The following TCF20 variants were observed in gnomAD, a reference collection of about 807,000 sequenced individuals.
TCF20 encodes the protein transcription factor 20, also known as SPRE-binding protein.
Under a neutral mutation model 148.6 loss-of-function variants are expected in TCF20, and 3 were observed. That is an observed-to-expected ratio of 0.02 (90% CI 0.01 to 0.05). The LOEUF (loss-of-function observed/expected upper bound fraction) is 0.05. TCF20 is among the 10% of genes least tolerant of loss of function. The pLI is 1.00. For synonymous variants in TCF20, 1,049 were observed against 909.5 expected (o/e 1.15, Z -2.76); for missense variants, 2,350 against 2,429.3 (o/e 0.97, Z 0.69).
intron 5 of TCF20, among the ~76,000 whole-genome samples, chr22:42,166,648 A>G (rs1290849781): frequency 6.6e-6 from 1 of 150,914 alleles, no homozygotes; most frequent in Non-Finnish European, 1.5e-5. Context: ...CCTGACAGCT[A>G]GGAAGGAAGG....
chr22:42,267,135 C>T (rs555964704), intron 1 of TCF20, among the ~76,000 whole-genome samples: 11 of 152,076 alleles, frequency 7.2e-5, no homozygotes, highest in Admixed American at 1.3e-4. Context: ...GGCGAGGTGG[C>T]GCATGCCTGT....
chr22:42,194,558 G>A (rs891140300), intron 2 of TCF20, among the ~76,000 whole-genome samples: 2 of 151,730 alleles, frequency 1.3e-5, no homozygotes, highest in African/African-American at 4.8e-5. Context: ...ACAGTGAGAG[G>A]GCTAAATACT....
At chr22:42,282,980 G>A (rs914290501) in intron 1 of TCF20, among the ~76,000 whole-genome samples, 3 of 152,214 alleles carry the variant, frequency 2.0e-5, no homozygotes, top group Non-Finnish European at 2.9e-5. Context: ...TCCTTTTCCC[G>A]GGAAACCACT....
At chr22:42,235,394 T>C (rs1402998764) in intron 1 of TCF20, among the ~76,000 whole-genome samples, 1 of 152,088 alleles carries the variant, frequency 6.6e-6, no homozygotes, top group Non-Finnish European at 1.5e-5. Context: ...AAGGGAACAT[T>C]GGGTATCAAC....
chr22:42,316,107 C>CAA (rs758537263), intron 1 of TCF20, among the ~76,000 whole-genome samples: 1,111 of 46,580 alleles, frequency 0.024, 28 homozygotes, highest in African/African-American at 0.066. Flanking sequence ...GACTCTGTCT[C>CAA]AAAAAAAAAA....
Position 42,167,154 on chromosome 22 carries a change from C to G in TCF20, c.*44+1455G>C, listed in dbSNP as rs547464417. Among the ~76,000 whole-genome samples, 27 of 152,334 alleles carry G rather than the reference C, an allele frequency of 1.8e-4. No individual in the cohort carries two copies. The South Asian group carries it at 5.6e-3, about 32-fold the overall frequency. On this transcript the variant is annotated intron_variant, in intron 5 of 5. Coordinates refer to ENST00000677622, the MANE Select transcript of TCF20 (RefSeq NM_001378418.1). Reference sequence around the variant, plus strand: ...GAACACATGGAATGGCTTCCACCCACCTCCCCACTTTGCTCTGATCCCTTC... The same window carrying G: ...GAACACATGGAATGGCTTCCACCCAGCTCCCCACTTTGCTCTGATCCCTTC...
intron 2 of TCF20, among the ~76,000 whole-genome samples, chr22:42,204,152 G>A (rs1938227169): frequency 6.6e-6 from 1 of 151,922 alleles, no homozygotes; most frequent in African/African-American, 2.4e-5. Context: ...GAGTCTGTTA[G>A]ATGGGGGAAG....
chr22:42,251,177 T>TA (rs35947327), intron 1 of TCF20, among the ~76,000 whole-genome samples: 1 of 152,124 alleles, frequency 6.6e-6, no homozygotes, highest in African/African-American at 2.4e-5. Context: ...AAATCCCCTT[T>TA]AAAAAAGGTA....
chr22:42,248,477 C>T (rs754534826), intron 1 of TCF20, among the ~76,000 whole-genome samples: 3 of 152,066 alleles, frequency 2.0e-5, no homozygotes, highest in Non-Finnish European at 4.4e-5. Context: ...TGCACTGTGC[C>T]TGGTACTGGG....
intron 2 of TCF20, among the ~76,000 whole-genome samples, chr22:42,185,786 G>A (rs139317205): frequency 1.0e-3 from 159 of 152,250 alleles, no homozygotes; most frequent in African/African-American, 3.7e-3. Flanking sequence ...ATCTCCTTAC[G>A]TTTCTTCATG....
chr22:42,212,481 A>T lies in TCF20; in HGVS notation c.2825T>A (p.Phe942Tyr), dbSNP rs377143209. ...GTGGTCTCCAGATTTCTTGTTGTTG[A>T]AACTAGCTTGAGATTTAGACTGTTC... ...DFEQSKSQASFNNKKSGDHCH... is the reference protein window; with the variant it reads ...DFEQSKSQASYNNKKSGDHCH... Residue 942 changes from phenylalanine to tyrosine, a missense_variant, in exon 2 of 6, where the codon TTC (phenylalanine) becomes TAC (tyrosine). Coordinates refer to ENST00000677622, the MANE Select transcript of TCF20 (RefSeq NM_001378418.1). 7.2e-5 allele frequency: 117 copies of T among 1,614,048 alleles called. No homozygotes were observed. The highest frequency in any genetic ancestry group is 9.6e-5 in the Non-Finnish European group (113 of 1,180,042).
intron 1 of TCF20, among the ~76,000 whole-genome samples, chr22:42,249,477 T>A (rs1464811301): frequency 1.3e-5 from 2 of 152,228 alleles, no homozygotes. Flanking sequence ...ATTGAAGAGA[T>A]CTGTGAAACT....
intron 1 of TCF20, among the ~76,000 whole-genome samples, chr22:42,320,217 G>A (rs1927706941): frequency 6.6e-6 from 1 of 152,118 alleles, no homozygotes; most frequent in South Asian, 2.1e-4. Flanking sequence ...TGGGCCTCTG[G>A]ACTCTTGCAA....
chr22:42,285,042 T>C (rs1000672520), upstream of TCF20, among the ~76,000 whole-genome samples: 5 of 152,224 alleles, frequency 3.3e-5, no homozygotes, highest in African/African-American at 1.2e-4. This position sits in a 1 kb window ranked among gnomAD's most constrained non-coding sequence, Gnocchi z 4.2. Context: ...TGTTCCAGCC[T>C]CTGCCCTCCA....
chr22:42,160,343 T>C lies in TCF20; in HGVS notation c.*1060A>G, dbSNP rs1271997184. The C allele has an allele frequency of 6.6e-6, 1 of 152,658 alleles. No homozygotes were observed. Among genetic ancestry groups the C allele is most frequent in the Non-Finnish European group, 1.5e-5 (1 of 68,040 alleles). 9.5% of individuals were successfully genotyped at this position (152,658 alleles called of 1,614,324 possible). A position where few individuals can be genotyped will look rare whatever the true frequency, so the allele number is the denominator to read the frequency against. On this transcript the variant is annotated 3_prime_UTR_variant, in exon 6 of 6. Coordinates refer to ENST00000677622, the MANE Select transcript of TCF20 (RefSeq NM_001378418.1). ...AAAGGGGTTAAATGGGTGTTCCTGG[T>C]CAGCTTAACCCACTCTGATCACAGC...
In TCF20 at chr22:42,212,215, G is replaced by A. The variant is rs1198174147; in HGVS notation, c.3091C>T (p.His1031Tyr). 1.9e-6 allele frequency: 3 copies of A among 1,614,118 alleles called. No individual in the cohort carries two copies. The highest frequency in any genetic ancestry group is 2.5e-6 in the Non-Finnish European group (3 of 1,180,048). Residue 1031 changes from histidine to tyrosine, a missense_variant, in exon 2 of 6, where the codon CAT becomes TAT. Transcript: ENST00000677622. Reference sequence around the variant, plus strand: ...AAGGTCATGTGTGGATTCATGTGATGAGGGTCTCCCCCTGGGCCTCTGCTC... The same window carrying A: ...AAGGTCATGTGTGGATTCATGTGATAAGGGTCTCCCCCTGGGCCTCTGCTC... Reference protein sequence around the residue: ...GRSRGPGGDPHHMNPHMTFSE... With the variant: ...GRSRGPGGDPYHMNPHMTFSE...
intron 1 of TCF20, among the ~76,000 whole-genome samples, chr22:42,319,602 C>A (rs1162146745): frequency 1.3e-5 from 2 of 152,198 alleles, no homozygotes; most frequent in African/African-American, 4.8e-5. Context: ...AGTCAACGGG[C>A]AGGGTTTTCA....
chr22:42,193,641 G>A (rs778854026), intron 2 of TCF20, among the ~76,000 whole-genome samples: 1 of 152,060 alleles, frequency 6.6e-6, no homozygotes, highest in Non-Finnish European at 1.5e-5. Flanking sequence ...AGATTTAAGT[G>A]TCTATTGTTA....
At chr22:42,248,932 G>C (rs75220048) in intron 1 of TCF20, among the ~76,000 whole-genome samples, 1 of 152,174 alleles carries the variant, frequency 6.6e-6, no homozygotes, top group Non-Finnish European at 1.5e-5. Context: ...TAGAAACCTG[G>C]TAAAGCACTG....
Sources: gnomAD v4.1 joint callset for allele counts (sites outside exome capture counted in the v4.1 genomes callset) on GRCh38, gnomAD v4.1.1 for gene constraint, Gnocchi (gnomAD v3.1) non-coding constraint, MANE v1.5 for transcripts, NCBI Gene and HGNC (gene_info 2026-07-23, HGNC 2026-07-21) for gene names.